Variants in SPAG16 observed in about 807,000 individuals in gnomAD.
SPAG16 encodes sperm associated antigen 16.
Under a neutral mutation model 80.4 loss-of-function variants are expected in SPAG16, and 86 were observed. The ratio of observed to expected loss-of-function variants is 1.07; its 90% CI spans 0.90 to 1.28. The LOEUF is 1.28. Ranked by LOEUF, SPAG16 falls within the 50% of genes most tolerant of loss-of-function variation. The probability of loss-of-function intolerance (pLI) is 0.00; values close to 1 mark genes in which losing one functional copy is unlikely to be tolerated. For synonymous variants in SPAG16, 294 were observed against 265.9 expected (o/e 1.11, Z -1.03); for missense variants, 870 against 765.3 (o/e 1.14, Z -1.61).
At chr2:213,899,561 C>T (rs1316607586) in intron 11 of SPAG16, among the ~76,000 whole-genome samples, 1 of 152,068 alleles carries the variant, frequency 6.6e-6, no homozygotes, top group Non-Finnish European at 1.5e-5. Flanking sequence ...TTCTGTGATA[C>T]ATGACACATG....
intron 5 of SPAG16, among the ~76,000 whole-genome samples, chr2:213,330,807 G>A (rs1420817551): frequency 6.6e-6 from 1 of 152,158 alleles, no homozygotes; most frequent in Admixed American, 6.5e-5. Context: ...CCCAGTGGGA[G>A]GTAATTGAAT....
At chr2:213,401,114 C>T (rs1225472831) in intron 9 of SPAG16, among the ~76,000 whole-genome samples, 1 of 152,176 alleles carries the variant, frequency 6.6e-6, no homozygotes, top group Non-Finnish European at 1.5e-5. Flanking sequence ...CAGCTGTTTC[C>T]TGATTATTGA....
At chr2:213,295,921 A>AT in intron 1 of SPAG16, 143 bp from the exon 2 acceptor site, 1 of 583,468 alleles carries the variant, frequency 1.7e-6, no homozygotes, top group Non-Finnish European at 2.9e-6. Flanking sequence ...GGGAAGACAA[A>AT]TTTTTTAAAG....
intron 15 of SPAG16, among the ~76,000 whole-genome samples, chr2:214,273,770 G>A (rs1692222715): frequency 6.6e-6 from 1 of 152,118 alleles, no homozygotes; most frequent in South Asian, 2.1e-4. Context: ...GATTGCCTTG[G>A]CAATGCAGAC....
At chr2:214,049,887 C>T (rs763058722) in intron 13 of SPAG16, among the ~76,000 whole-genome samples, 25 of 151,946 alleles carry the variant, frequency 1.6e-4, no homozygotes, top group African/African-American at 4.1e-4. Flanking sequence ...TTTATAGAAA[C>T]GTCATTTGAA....
chr2:213,995,627 A>G (rs2046478200), intron 12 of SPAG16, among the ~76,000 whole-genome samples: 1 of 152,152 alleles, frequency 6.6e-6, no homozygotes, highest in Non-Finnish European at 1.5e-5. Context: ...TCTCTTCCCT[A>G]TGGTGGTGCC....
At chr2:214,018,497 AATG>A (rs1281121451) in intron 13 of SPAG16, among the ~76,000 whole-genome samples, 1 of 152,176 alleles carries the variant, frequency 6.6e-6, no homozygotes, top group Non-Finnish European at 1.5e-5. Flanking sequence ...TCTATGTTGT[AATG>A]ATAAGAACAG....
At chr2:213,830,463 C>T (rs2073568239) in intron 10 of SPAG16, among the ~76,000 whole-genome samples, 1 of 152,120 alleles carries the variant, frequency 6.6e-6, no homozygotes. Context: ...ACTGTAATTT[C>T]CCACCTGATT....
chr2:213,843,925 CATT>C (rs2074485919), intron 10 of SPAG16, among the ~76,000 whole-genome samples: 2 of 150,586 alleles, frequency 1.3e-5, no homozygotes, highest in Non-Finnish European at 1.5e-5. Flanking sequence ...GGATTATTGT[CATT>C]ATAGTAATAT....
chr2:213,955,958 ATTATTTATTTAT>A (rs561437715), intron 12 of SPAG16, among the ~76,000 whole-genome samples: 1 of 151,290 alleles, frequency 6.6e-6, no homozygotes. Context: ...GTTTTTATTT[ATTATTTATTTAT>A]TTATTTATTT....
chr2:213,622,189 A>AT (rs1410186018), intron 10 of SPAG16, among the ~76,000 whole-genome samples: 1 of 152,116 alleles, frequency 6.6e-6, no homozygotes, highest in Admixed American at 6.5e-5. Context: ...TAAAATTTTT[A>AT]TTTTATAAAC....
chr2:213,592,323 G>A (rs909128818), intron 10 of SPAG16, among the ~76,000 whole-genome samples: 1 of 151,952 alleles, frequency 6.6e-6, no homozygotes, highest in African/African-American at 2.4e-5. Flanking sequence ...AGATTGAATC[G>A]CTCTAGTGTT....
At chr2:213,642,084 G>C (rs1464909478) in intron 10 of SPAG16, among the ~76,000 whole-genome samples, 2 of 152,182 alleles carry the variant, frequency 1.3e-5, no homozygotes, top group Non-Finnish European at 2.9e-5. Context: ...GATGAGATTT[G>C]GGTGGGGACA....
chr2:213,890,446 A>G (rs2076742541), intron 11 of SPAG16, among the ~76,000 whole-genome samples: 1 of 152,118 alleles, frequency 6.6e-6, no homozygotes, highest in Non-Finnish European at 1.5e-5. Context: ...ATATTTTGTT[A>G]TTAGTAAATC....
intron 10 of SPAG16, among the ~76,000 whole-genome samples, chr2:213,676,271 C>T (rs528232554): frequency 3.3e-5 from 5 of 151,798 alleles, no homozygotes; most frequent in East Asian, 1.9e-4. Flanking sequence ...ATCAGCTTAA[C>T]GAGATTTTGG....
At chr2:214,298,698 G>C (rs991819647) in intron 15 of SPAG16, among the ~76,000 whole-genome samples, 1 of 152,180 alleles carries the variant, frequency 6.6e-6, no homozygotes, top group African/African-American at 2.4e-5. Flanking sequence ...AAGCCTATTT[G>C]TATTTTATTT....
At chr2:213,284,738 T>C in intron 1 of SPAG16, 119 bp downstream of exon 1, 1 of 1,379,676 alleles carries the variant, frequency 7.2e-7, no homozygotes, top group Non-Finnish European at 9.6e-7. Flanking sequence ...GAGGAGCCTC[T>C]GTTGGACTTC....
intron 10 of SPAG16, among the ~76,000 whole-genome samples, chr2:213,763,008 A>G (rs569324989): frequency 6.6e-6 from 1 of 152,302 alleles, no homozygotes; most frequent in South Asian, 2.1e-4. Context: ...AAGACATAAA[A>G]ATGTTCAACA....
At chr2:214,090,953 G>A (rs780387900) in intron 13 of SPAG16, among the ~76,000 whole-genome samples, 5 of 151,984 alleles carry the variant, frequency 3.3e-5, no homozygotes, top group Admixed American at 6.6e-5. Flanking sequence ...CCAAAATCTC[G>A]CCATACTGGA....
Sources: allele counts gnomAD v4.1 joint callset (sites outside exome capture counted in the v4.1 genomes callset), GRCh38; gene constraint gnomAD v4.1.1; transcripts MANE v1.5; gene names NCBI Gene and HGNC (gene_info 2026-07-23, HGNC 2026-07-21).